Variants in DSCAM observed in about 807,000 individuals in gnomAD.
DSCAM encodes cell adhesion molecule DSCAM.
Under a neutral mutation model 217.7 loss-of-function variants are expected in DSCAM, and 47 were observed. The ratio of observed to expected loss-of-function variants is 0.22; its 90% CI spans 0.17 to 0.28. The LOEUF is 0.28. Among genes scored for constraint, DSCAM ranks in the 10% least tolerant of loss-of-function variants. The pLI, the probability that DSCAM is intolerant of heterozygous loss-of-function variation, is 1.00. For synonymous variants in DSCAM, 1,056 were observed against 1,015.3 expected (o/e 1.04, Z -0.76); for missense variants, 2,080 against 2,618.3 (o/e 0.79, Z 4.49).
intron 11 of DSCAM, 127 bp downstream of exon 11, chr21:40,275,970 A>T (rs1479415305): frequency 1.1e-5 from 11 of 987,732 alleles, no homozygotes; most frequent in Non-Finnish European, 1.5e-5. Flanking sequence ...AAACCCAGCT[A>T]TATCACACCA....
chr21:40,791,899 A>C (rs912782958), intron 1 of DSCAM, among the ~76,000 whole-genome samples: 4 of 152,028 alleles, frequency 2.6e-5, no homozygotes, highest in African/African-American at 9.7e-5. Context: ...CTGCTTCCTC[A>C]CGATTTCAGG....
intron 25 of DSCAM, 32 bp from the exon 26 acceptor site, chr21:40,079,009 C>A: frequency 6.2e-7 from 1 of 1,603,966 alleles, no homozygotes; most frequent in Non-Finnish European, 8.5e-7. Flanking sequence ...GGTCAGCTCA[C>A]AGGACACATG....
intron 3 of DSCAM, among the ~76,000 whole-genome samples, chr21:40,403,515 C>A (rs1298716642): frequency 6.6e-6 from 1 of 152,042 alleles, no homozygotes; most frequent in Non-Finnish European, 1.5e-5. Context: ...TAAAATCAGA[C>A]TTGTGGTTTA....
chr21:40,430,144 T>C (rs998931754), intron 3 of DSCAM, among the ~76,000 whole-genome samples: 1 of 152,240 alleles, frequency 6.6e-6, no homozygotes, highest in African/African-American at 2.4e-5. Context: ...TGATGGAGAA[T>C]TAATCTTCAT....
In DSCAM at chr21:40,627,182, G is replaced by C. The variant is rs142487152; in HGVS notation, c.508+65628C>G. Among the ~76,000 whole-genome samples, 34 of 152,272 alleles carry C rather than the reference G, an allele frequency of 2.2e-4. No homozygotes were observed. The East Asian group carries it at 6.6e-3, about 29-fold the overall frequency. ...ACAGCCACACGTTAGTTGAATGAAT[G>C]GACAAATAACTCTAATAACCTGTGG... On this transcript the variant is annotated intron_variant, in intron 3 of 32. Transcript: ENST00000400454.
intron 11 of DSCAM, among the ~76,000 whole-genome samples, chr21:40,204,497 C>T (rs1052137368): frequency 2.6e-5 from 4 of 152,094 alleles, no homozygotes; most frequent in African/African-American, 4.8e-5. Context: ...TATTTAAGAA[C>T]GTTCTCATAA....
intron 1 of DSCAM, among the ~76,000 whole-genome samples, chr21:40,729,911 G>A (rs1181400621): frequency 6.6e-6 from 1 of 152,156 alleles, no homozygotes; most frequent in African/African-American, 2.4e-5. Flanking sequence ...TTGACAGTTT[G>A]CCTATCACAC....
chr21:40,116,793 G>A (rs2089975958), intron 20 of DSCAM, among the ~76,000 whole-genome samples: 1 of 151,430 alleles, frequency 6.6e-6, no homozygotes, highest in African/African-American at 2.4e-5. Context: ...ATGAGGTCAG[G>A]AGATCGAGAC....
intron 21 of DSCAM, among the ~76,000 whole-genome samples, chr21:40,092,104 C>T (rs1029614077): frequency 1.3e-5 from 2 of 152,294 alleles, no homozygotes; most frequent in Admixed American, 1.3e-4. Context: ...TGGGTCCATG[C>T]CTTTATTCTA....
chr21:40,680,427 A>T (rs9976172), intron 3 of DSCAM, among the ~76,000 whole-genome samples: 63,114 of 152,038 alleles, frequency 0.42, 13,937 homozygotes, highest in East Asian at 0.58. Flanking sequence ...AAGGTCTCAC[A>T]ACTGTGCAGT....
intron 3 of DSCAM, among the ~76,000 whole-genome samples, chr21:40,666,801 A>G (rs2090206904): frequency 6.6e-6 from 1 of 152,244 alleles, no homozygotes; most frequent in African/African-American, 2.4e-5. Context: ...AAGGATCAGA[A>G]GCATGGACTC....
intron 9 of DSCAM, 103 bp downstream of exon 9, chr21:40,311,978 T>C: frequency 1.9e-6 from 1 of 521,606 alleles, no homozygotes. Flanking sequence ...TAAAACTGAA[T>C]TTCTAAGTTC....
At chr21:40,525,266 AAAC>A (rs2076391954) in intron 3 of DSCAM, among the ~76,000 whole-genome samples, 1 of 152,186 alleles carries the variant, frequency 6.6e-6, no homozygotes, top group African/African-American at 2.4e-5. Flanking sequence ...ATATACTTGG[AAAC>A]AACAAAAACT....
chr21:40,646,766 T>A (rs1022045253), intron 3 of DSCAM, among the ~76,000 whole-genome samples: 43 of 152,222 alleles, frequency 2.8e-4, no homozygotes, highest in Admixed American at 5.2e-4. Context: ...CAGGGAACAC[T>A]CTCGACTCTT....
At chr21:40,279,971 G>A (rs919635598) in intron 10 of DSCAM, among the ~76,000 whole-genome samples, 1 of 151,900 alleles carries the variant, frequency 6.6e-6, no homozygotes, top group Non-Finnish European at 1.5e-5. Flanking sequence ...AGGGGGTGGG[G>A]GCAAGGGGAG....
At chr21:40,088,634 G>C (rs1166914001) in intron 21 of DSCAM, among the ~76,000 whole-genome samples, 1 of 152,188 alleles carries the variant, frequency 6.6e-6, no homozygotes, top group Non-Finnish European at 1.5e-5. Flanking sequence ...CATTTCATCA[G>C]TCATTGACAT....
chr21:40,103,876 C>T (rs931004304), intron 20 of DSCAM, among the ~76,000 whole-genome samples: 1 of 150,702 alleles, frequency 6.6e-6, no homozygotes, highest in Non-Finnish European at 1.5e-5. Context: ...TAATTATATA[C>T]ATAGACTATT....
chr21:40,744,778 A>G (rs2091158211), intron 1 of DSCAM, among the ~76,000 whole-genome samples: 1 of 152,228 alleles, frequency 6.6e-6, no homozygotes, highest in South Asian at 2.1e-4. Context: ...GGGAAATATG[A>G]TGCCACCAAA....
chr21:40,376,591 TATCG>T (rs2074960453), intron 3 of DSCAM, among the ~76,000 whole-genome samples: 3 of 133,072 alleles, frequency 2.3e-5, no homozygotes, highest in Non-Finnish European at 4.8e-5. Context: ...ATATATCTTA[TATCG>T]ATATCTATAT....
Sources: allele counts gnomAD v4.1 joint callset (sites outside exome capture counted in the v4.1 genomes callset), GRCh38; gene constraint gnomAD v4.1.1; transcripts MANE v1.5; gene names NCBI Gene and HGNC (gene_info 2026-07-23, HGNC 2026-07-21).